WWOX: variants seen among roughly 807,000 people sequenced by gnomAD.
WWOX encodes the protein WW domain containing oxidoreductase, also known as WW domain-containing oxidoreductase.
Under a neutral mutation model 46.2 loss-of-function variants are expected in WWOX, and 69 were observed. The ratio of observed to expected loss-of-function variants is 1.49; its 90% confidence interval spans 1.23 to 1.82. The LOEUF is 1.82. Ranked by LOEUF, WWOX falls within the 40% of genes most tolerant of loss-of-function variation. The pLI, the probability that WWOX is intolerant of heterozygous loss-of-function variation, is 0.00. For synonymous variants in WWOX, 359 were observed against 202.6 expected, an observed-to-expected ratio of 1.77 and a Z score of -6.56; for missense variants, 919 against 542.6, an observed-to-expected ratio of 1.69 and a Z score of -6.89.
In WWOX at chr16:78,464,100, G is replaced by A. The variant is rs143497654; in HGVS notation, c.1056+31348G>A. 1.4e-3 allele frequency among the ~76,000 whole-genome samples: 208 copies of A among 152,246 alleles called. 1 individual carries two copies. Among genetic ancestry groups the A allele is most frequent in the African/African-American group, 4.8e-3 (199 of 41,550 alleles). On this transcript the variant is annotated intron_variant, in intron 8 of 8. Transcript: ENST00000566780. ...GTGACAACCGGTCAGGACCTGGGAA[G>A]GGCTCTGACCCATTCATCTGAGAGA... is the stretch of plus-strand genomic sequence containing the variant.
At chr16:78,388,541 G>A (rs2082107501) in intron 6 of WWOX, among the ~76,000 whole-genome samples, 1 of 150,808 alleles carries the variant, frequency 6.6e-6, no homozygotes, top group African/African-American at 2.4e-5. Flanking sequence ...TAGCTACTTG[G>A]GAGGCTGAGG....
At chr16:79,009,213 G>A (rs2047254088) in intron 8 of WWOX, among the ~76,000 whole-genome samples, 1 of 152,224 alleles carries the variant, frequency 6.6e-6, no homozygotes, top group Admixed American at 6.5e-5. Flanking sequence ...AAGATGATGT[G>A]AATGCCAGTT....
chr16:79,082,075 A>G (rs758184084), intron 8 of WWOX, among the ~76,000 whole-genome samples: 5 of 152,168 alleles, frequency 3.3e-5, no homozygotes, highest in Non-Finnish European at 5.9e-5. Flanking sequence ...TTCCTTGCCA[A>G]GCGAAAATAC....
At chr16:78,572,948 G>C (rs1470465647) in intron 8 of WWOX, among the ~76,000 whole-genome samples, 2 of 152,104 alleles carry the variant, frequency 1.3e-5, no homozygotes, top group South Asian at 4.1e-4. Flanking sequence ...GTTATATGTG[G>C]CACATATCAC....
intron 8 of WWOX, among the ~76,000 whole-genome samples, chr16:79,097,357 T>TC (rs1238779577): frequency 6.6e-6 from 1 of 151,974 alleles, no homozygotes; most frequent in Admixed American, 6.6e-5. Flanking sequence ...ACTTTTTTTT[T>TC]TTTTTTTTGG....
chr16:78,555,570 A>G (rs369882159), intron 8 of WWOX, among the ~76,000 whole-genome samples: 1 of 143,104 alleles, frequency 7.0e-6, no homozygotes, highest in East Asian at 2.1e-4. Flanking sequence ...CACATTCCCC[A>G]CTAAAGGAGT....
At chr16:78,698,057 T>G (rs754221716) in intron 8 of WWOX, among the ~76,000 whole-genome samples, 2 of 152,210 alleles carry the variant, frequency 1.3e-5, no homozygotes, top group African/African-American at 4.8e-5. Flanking sequence ...AAATGCTACT[T>G]AAAATGATGT....
At chr16:79,127,705 G>A (rs529359160) in intron 8 of WWOX, among the ~76,000 whole-genome samples, 35 of 152,260 alleles carry the variant, frequency 2.3e-4, no homozygotes, top group Non-Finnish European at 4.4e-4. Context: ...CTCTACGGAG[G>A]TTGTTCTGAT....
At chr16:78,955,057 T>C (rs1052370837) in intron 8 of WWOX, among the ~76,000 whole-genome samples, 2 of 152,138 alleles carry the variant, frequency 1.3e-5, no homozygotes, top group African/African-American at 2.4e-5. Flanking sequence ...CCACAAAGTA[T>C]TGGGAATGTA....
At chr16:78,666,624 C>G (rs1297372216) in intron 8 of WWOX, among the ~76,000 whole-genome samples, 1 of 152,094 alleles carries the variant, frequency 6.6e-6, no homozygotes, top group Non-Finnish European at 1.5e-5. Context: ...CTGGAAAATG[C>G]AGACAAAACA....
chr16:78,605,264 A>C (rs2045727568), intron 8 of WWOX, among the ~76,000 whole-genome samples: 1 of 151,636 alleles, frequency 6.6e-6, no homozygotes, highest in African/African-American at 2.4e-5. Context: ...TTGTCTCTCC[A>C]GCCTCCTGCT....
chr16:79,005,692 T>G (rs187247713), intron 8 of WWOX, among the ~76,000 whole-genome samples: 1 of 152,312 alleles, frequency 6.6e-6, no homozygotes, highest in Non-Finnish European at 1.5e-5. Flanking sequence ...CACCAGTCCT[T>G]GGATTTAGAG....
intron 8 of WWOX, among the ~76,000 whole-genome samples, chr16:78,727,126 C>A (rs2048854168): frequency 6.6e-6 from 1 of 152,172 alleles, no homozygotes; most frequent in Non-Finnish European, 1.5e-5. Context: ...CAGTGGGGCA[C>A]AGTGGCTCAC....
chr16:78,226,437 C>T (rs1292845239), intron 5 of WWOX, among the ~76,000 whole-genome samples: 1 of 151,178 alleles, frequency 6.6e-6, no homozygotes, highest in Admixed American at 6.6e-5. Context: ...GAAGACCCTT[C>T]TTTCCTTTCC....
chr16:78,932,324 G>T (rs1407205127), intron 8 of WWOX, among the ~76,000 whole-genome samples: 1 of 152,158 alleles, frequency 6.6e-6, no homozygotes, highest in African/African-American at 2.4e-5. Context: ...GTGACCTAAC[G>T]CAGTCCTTGA....
chr16:78,932,244 T>C (rs1174312202), intron 8 of WWOX, among the ~76,000 whole-genome samples: 1 of 152,164 alleles, frequency 6.6e-6, no homozygotes, highest in Non-Finnish European at 1.5e-5. Context: ...TTGTATCCAA[T>C]TCTTCAGAAG....
chr16:79,119,038 C>T (rs2049574544), intron 8 of WWOX, among the ~76,000 whole-genome samples: 1 of 152,072 alleles, frequency 6.6e-6, no homozygotes. Context: ...GATAGATTCC[C>T]AGAAATGGAA....
chr16:78,627,330 C>A (rs1180625740), intron 8 of WWOX, among the ~76,000 whole-genome samples: 1 of 152,178 alleles, frequency 6.6e-6, no homozygotes, highest in Non-Finnish European at 1.5e-5. Flanking sequence ...TCACAAACTA[C>A]TCAGTATGGA....
At chr16:78,375,035 G>A (rs895585691) in intron 5 of WWOX, among the ~76,000 whole-genome samples, 1 of 152,120 alleles carries the variant, frequency 6.6e-6, no homozygotes, top group Non-Finnish European at 1.5e-5. Context: ...AAACCACTGC[G>A]AGGCAGATAC....
Sources: gnomAD v4.1 joint callset for allele counts (sites outside exome capture counted in the v4.1 genomes callset) on GRCh38, gnomAD v4.1.1 for gene constraint, MANE v1.5 for transcripts, NCBI Gene and HGNC (gene_info 2026-07-23, HGNC 2026-07-21) for gene names.